The following BCL11A variants were observed in gnomAD, a reference collection of about 807,000 sequenced individuals.
The protein encoded by BCL11A is BCL11 transcription factor A.
In BCL11A, 2 loss-of-function variants were observed where a neutral mutation model predicts 55.9. The observed-to-expected ratio is 0.04, with a 90% CI of 0.01 to 0.11. The LOEUF (loss-of-function observed/expected upper bound fraction) is 0.11. BCL11A is among the 10% of genes least tolerant of loss of function. BCL11A has a pLI of 1.00. For missense variants in BCL11A, 817 were observed against 1,137.1 expected (o/e 0.72, Z 4.05); for synonymous variants, 465 against 473.4 (o/e 0.98, Z 0.23).
intron 2 of BCL11A, among the ~76,000 whole-genome samples, chr2:60,510,916 C>T (rs920299558): frequency 6.6e-6 from 1 of 152,168 alleles, no homozygotes; most frequent in Non-Finnish European, 1.5e-5. Flanking sequence ...TTTGGGGGAA[C>T]CCTTGACAGG....
At position 60,461,847 on chromosome 2, in the gene BCL11A, C is replaced by A. The variant is rs372273698; in HGVS notation, c.1065G>T (p.Leu355=). The A allele has an allele frequency of 2.2e-5, 36 of 1,613,596 alleles. No individual in the cohort carries two copies. The African/African-American group carries it at 4.5e-4, about 20-fold the overall frequency. The change falls in exon 4 of 4, where the codon CTG becomes CTT. Residue 355 remains leucine, a synonymous_variant. Transcript: ENST00000642384. ...GCAGAGGAGGGAGGGGGGGCGTCGCCAGGAAGGGCGGCTTGCTACCTGGCT... is the reference window on the plus strand; with the variant it reads ...GCAGAGGAGGGAGGGGGGGCGTCGCAAGGAAGGGCGGCTTGCTACCTGGCT... ...PFQPGSKPPF[L]ATPPLPPLQS...
At chr2:60,520,572 G>A (rs754101819) in intron 2 of BCL11A, among the ~76,000 whole-genome samples, 5 of 152,300 alleles carry the variant, frequency 3.3e-5, no homozygotes, top group Admixed American at 1.3e-4. Flanking sequence ...AGAGTTTTCT[G>A]AGGAAAATTA....
intron 2 of BCL11A, among the ~76,000 whole-genome samples, chr2:60,529,006 T>C (rs1048037054): frequency 5.3e-5 from 8 of 152,086 alleles, no homozygotes; most frequent in African/African-American, 1.4e-4. Context: ...AGAGTAACTG[T>C]GTCACACACC....
Position 60,457,463 on chromosome 2 carries a change from GTAAAAGA to G in BCL11A, c.*2934_*2940del, listed in dbSNP as rs1401008442. The G allele has an allele frequency of 5.8e-6, 6 of 1,040,030 alleles. No individual in the cohort carries two copies. In the African/African-American group the frequency reaches 1.0e-4, roughly 17 times the overall value. The allele number at this position is 1,040,030 out of a possible 1,614,324, so 64.4% of individuals were successfully genotyped here. ...GCAATAATAAATAGTGACTCCCATA[GTAAAAGA>G]TAAAATTTCAAGTTACGACAAACAG... is the stretch of plus-strand genomic sequence containing the variant. On this transcript the variant is annotated 3_prime_UTR_variant, in exon 4 of 4. Transcript: ENST00000642384.
At chr2:60,511,580 G>C (rs755586938) in intron 2 of BCL11A, among the ~76,000 whole-genome samples, 1 of 151,782 alleles carries the variant, frequency 6.6e-6, no homozygotes, top group Non-Finnish European at 1.5e-5. Flanking sequence ...AGTTAACAGA[G>C]CGCTAATCTG....
chr2:60,528,848 A>G (rs190983352), intron 2 of BCL11A, among the ~76,000 whole-genome samples: 54 of 152,344 alleles, frequency 3.5e-4, no homozygotes, highest in Admixed American at 2.0e-3. Flanking sequence ...CAGCCCCCGG[A>G]GCGAGTAATG....
At chr2:60,523,123 A>C (rs916851686) in intron 2 of BCL11A, among the ~76,000 whole-genome samples, 3 of 152,232 alleles carry the variant, frequency 2.0e-5, no homozygotes, top group Non-Finnish European at 4.4e-5. Context: ...CAGATTACTG[A>C]AGTCCATTTA....
rs113811738 is a variant in BCL11A at position 60,486,983 on chromosome 2, C to T, written c.386-18150G>A. Among the ~76,000 whole-genome samples the T allele has an allele frequency of 2.3e-3, 346 of 152,336 alleles. 1 individual carries two copies. Among genetic ancestry groups the T allele is most frequent in the African/African-American group, 6.9e-3 (286 of 41,578 alleles). ...TACTATTCTATCAGAATAAAAAAGA[C>T]TCGGGAGATTCAAAGCGAAGGCAAA... On this transcript the variant is annotated intron_variant, in intron 2 of 3. Transcript: ENST00000642384.
Position 60,462,155 on chromosome 2 carries a change from C to T in BCL11A, c.757G>A (p.Gly253Ser), listed in dbSNP as rs1558614228. The change falls in exon 4 of 4, where the codon GGC becomes AGC. Residue 253 changes from glycine (G) to serine (S), a missense_variant. Gly to Ser is a moderately conservative substitution (Grantham distance 56, BLOSUM62 0). Transcript: ENST00000642384. ...GGTGGAAAGCGCCCTTCTGCCAGGC[C>T]GGAAGCCTCTCTCGATACTGATCCT... ...IPGSVSREAS[G>S]LAEGRFPPTP... 1.2e-5 allele frequency: 19 copies of T among 1,567,176 alleles called. No individual in the cohort carries two copies. Among genetic ancestry groups the T allele is most frequent in the Non-Finnish European group, 1.6e-5 (19 of 1,157,462 alleles).
At chr2:60,536,097 A>G (rs1226683856) in intron 2 of BCL11A, 4 of 152,202 alleles carry the variant, frequency 2.6e-5, no homozygotes, top group African/African-American at 9.7e-5. Flanking sequence ...TGCAAGTCAG[A>G]CTGAGAATAA....
chr2:60,455,969 G>A (rs1054666641), downstream of BCL11A, among the ~76,000 whole-genome samples: 7 of 152,034 alleles, frequency 4.6e-5, no homozygotes, highest in South Asian at 2.1e-4. Flanking sequence ...GGTACCGCAC[G>A]CCCACCCCAC....
chr2:60,492,259 C>T (rs112118946), intron 2 of BCL11A, among the ~76,000 whole-genome samples: 2 of 152,274 alleles, frequency 1.3e-5, no homozygotes, highest in African/African-American at 4.8e-5. Context: ...CCCAGCTACT[C>T]AGGAGGCTGA....
At chr2:60,552,827 C>T (rs1670476980) in intron 1 of BCL11A, among the ~76,000 whole-genome samples, 1 of 152,114 alleles carries the variant, frequency 6.6e-6, no homozygotes, top group African/African-American at 2.4e-5. Flanking sequence ...AGCTCCCACC[C>T]CCAGGTTTGC....
intron 1 of BCL11A, chr2:60,550,969 G>T (rs1670389115): frequency 7.6e-6 from 3 of 393,012 alleles, no homozygotes; most frequent in South Asian, 1.3e-4. Flanking sequence ...GGAGGGATGC[G>T]AGGGGGTGGG....
At chr2:60,537,720 C>A (rs976725648) in intron 2 of BCL11A, 1 of 152,206 alleles carries the variant, frequency 6.6e-6, no homozygotes, top group Non-Finnish European at 1.5e-5. Context: ...AAATGAACAA[C>A]TGATGAATAT....
At chr2:60,529,852 T>C (rs1669369765) in intron 2 of BCL11A, among the ~76,000 whole-genome samples, 1 of 152,192 alleles carries the variant, frequency 6.6e-6, no homozygotes, top group Non-Finnish European at 1.5e-5. Flanking sequence ...CCCAAACCAC[T>C]TGAAAGCCCT....
In BCL11A at chr2:60,461,436, C is replaced by T. The variant is rs775803092; in HGVS notation, c.1476G>A (p.Glu492=). 1.1e-5 allele frequency: 18 copies of T among 1,603,868 alleles called. No individual in the cohort carries two copies. The highest frequency in any genetic ancestry group is 4.0e-5 in the African/African-American group (3 of 74,890). The stretch of plus-strand genomic sequence containing the variant: ...CCTCTTCCTCCTCTTCTTCCTCTTC[C>T]TCGTCGTCCTCCTCTTCCTCCTCGT... ...NGDEEEEEDD[E]EEEEEEEEEE... is the part of the protein sequence containing the mutation. Residue 492 remains glutamate (E), a synonymous_variant, in exon 4 of 4, where the codon GAG becomes GAA. Coordinates refer to ENST00000642384, the MANE Select transcript of BCL11A (RefSeq NM_022893.4).
In BCL11A at chr2:60,461,634, C is replaced by T. The variant is rs370506489; in HGVS notation, c.1278G>A (p.Thr426=). 48 of 1,613,696 alleles carry T rather than the reference C, an allele frequency of 3.0e-5. No individual in the cohort carries two copies. The highest frequency in any genetic ancestry group is 4.0e-5 in the Non-Finnish European group (47 of 1,180,044). Residue 426 remains threonine, a synonymous_variant, in exon 4 of 4, where the codon ACG becomes ACA. Transcript: ENST00000642384. ...TCATGGGGGACGATTTGTGCATGTG[C>T]GTCTTCATGTGGCGCTTCAGCTTGC... ...QASKLKRHMK[T]HMHKSSPMTV...
At position 60,507,699 on chromosome 2, in the gene BCL11A, T is replaced by C. The variant is rs559537488; in HGVS notation, c.385+38272A>G. Among the ~76,000 whole-genome samples the C allele has an allele frequency of 7.5e-4, 114 of 151,908 alleles. 1 individual carries two copies. The highest frequency in any genetic ancestry group is 2.6e-3 in the African/African-American group (109 of 41,424). On this transcript the variant is annotated intron_variant, in intron 2 of 3. Coordinates refer to ENST00000642384, the MANE Select transcript of BCL11A (RefSeq NM_022893.4). Reference sequence around the variant, plus strand: ...ACTGCTTCTAAGTCCCCAGCTTTTCTAAGACATATGGCAGAAATGTGGAAA... The same window carrying C: ...ACTGCTTCTAAGTCCCCAGCTTTTCCAAGACATATGGCAGAAATGTGGAAA...
Sources: gnomAD v4.1 joint callset for allele counts (sites outside exome capture counted in the v4.1 genomes callset) on GRCh38, gnomAD v4.1.1 for gene constraint, MANE v1.5 for transcripts, NCBI Gene and HGNC (gene_info 2026-07-23, HGNC 2026-07-21) for gene names.